AKAP12: variants seen among roughly 807,000 people sequenced by gnomAD.
AKAP12 encodes the protein A-kinase anchor protein 12.
A neutral mutation model predicts 79.9 loss-of-function variants in AKAP12; 32 were observed. That is an observed-to-expected ratio of 0.40 (90% confidence interval 0.30 to 0.54). AKAP12 has a LOEUF of 0.54. AKAP12 is among the 20% of genes least tolerant of loss of function. The pLI, the probability that AKAP12 is intolerant of heterozygous loss-of-function variation, is 0.48. For synonymous variants in AKAP12, 808 were observed against 857.0 expected (o/e 0.94, Z 1.00); for missense variants, 2,074 against 2,177.0 (o/e 0.95, Z 0.94).
At chr6:151,318,742 C>T (rs1777292786) in intron 3 of AKAP12, among the ~76,000 whole-genome samples, 1 of 151,888 alleles carries the variant, frequency 6.6e-6, no homozygotes. Context: ...TTGAGACTAG[C>T]CTGGGCAACA....
rs143297502 is a variant in AKAP12, at chr6:151,325,675, T to A, written c.319+19772T>A. 838 of 1,425,126 alleles carry A rather than the reference T, an allele frequency of 5.9e-4. 5 individuals carry two copies. The African/African-American group carries it at 0.011, about 19-fold the overall frequency. The allele number at this position is 1,425,126 out of a possible 1,614,324, so 88.3% of individuals were successfully genotyped here. A position where few individuals can be genotyped will look rare whatever the true frequency, so the allele number is the denominator to read the frequency against. On this transcript the variant is annotated intron_variant, in intron 3 of 4. Transcript: ENST00000402676. The stretch of plus-strand genomic sequence containing the variant: ...TATCTGGGGAAATGCATCCGCGCTC[T>A]GCTTTTCGCTGCGGCAGCTCCGAGG...
At chr6:151,268,945 GTTTTTT>G (rs558502756) in intron 2 of AKAP12, among the ~76,000 whole-genome samples, 22,409 of 79,312 alleles carry the variant, frequency 0.28, 2,642 homozygotes, top group Admixed American at 0.51. Flanking sequence ...TGCTCGGCCT[GTTTTTT>G]TTTTTTTTTT....
intron 2 of AKAP12, among the ~76,000 whole-genome samples, chr6:151,252,055 C>A (rs1223010710): frequency 6.6e-6 from 1 of 152,122 alleles, no homozygotes; most frequent in African/African-American, 2.4e-5. Flanking sequence ...GGCAGACTCT[C>A]TAGATAATGA....
intron 2 of AKAP12, among the ~76,000 whole-genome samples, chr6:151,290,767 G>A (rs1776602323): frequency 6.6e-6 from 1 of 152,132 alleles, no homozygotes; most frequent in Non-Finnish European, 1.5e-5. Flanking sequence ...CACCATGCCA[G>A]GCTAATTTTG....
At chr6:151,265,360 T>C (rs890820680) in intron 2 of AKAP12, among the ~76,000 whole-genome samples, 16 of 152,192 alleles carry the variant, frequency 1.1e-4, no homozygotes, top group African/African-American at 3.9e-4. Flanking sequence ...GAAGCAGATA[T>C]TTGTTAACTG....
intron 4 of AKAP12, among the ~76,000 whole-genome samples, chr6:151,354,379 G>C (rs1247605080): frequency 7.7e-6 from 1 of 130,162 alleles, no homozygotes; most frequent in Non-Finnish European, 1.5e-5. Flanking sequence ...GTTTTGTTTT[G>C]TTTTGTTTTC....
At chr6:151,331,748 G>A (rs541921461) in intron 3 of AKAP12, among the ~76,000 whole-genome samples, 8 of 152,012 alleles carry the variant, frequency 5.3e-5, no homozygotes, top group African/African-American at 1.9e-4. Context: ...AGCCGGGCGT[G>A]GTGGCAGGCA....
chr6:151,324,349 G>A (rs1375818431), intron 3 of AKAP12: 1 of 985,270 alleles, frequency 1.0e-6, no homozygotes, highest in Non-Finnish European at 1.2e-6. Flanking sequence ...TTGTAACAAG[G>A]TCTGGTTACC....
intron 2 of AKAP12, among the ~76,000 whole-genome samples, chr6:151,286,851 A>G (rs775767508): frequency 6.6e-6 from 1 of 152,218 alleles, no homozygotes; most frequent in Non-Finnish European, 1.5e-5. Flanking sequence ...AAAACAAGTC[A>G]GGTGAGAACC....
intron 3 of AKAP12, chr6:151,324,685 A>T: frequency 1.0e-6 from 1 of 985,428 alleles, no homozygotes; most frequent in Non-Finnish European, 1.2e-6. Context: ...GCATGAAGTG[A>T]TAAATAGGGA....
Position 151,314,690 on chromosome 6 carries a change from A to G in AKAP12, c.319+8787A>G, listed in dbSNP as rs1007851259. Among the ~76,000 whole-genome samples, 14 of 152,294 alleles carry G rather than the reference A, an allele frequency of 9.2e-5. No individual in the cohort carries two copies. In the East Asian group the frequency reaches 1.7e-3, roughly 19 times the overall value. ...TCAAGTCCACTTTCAAATTGGGTCC[A>G]TGTTCTGGCCCATTTGAGAAGGAGC... On this transcript the variant is annotated intron_variant, in intron 3 of 4. Transcript: ENST00000402676.
chr6:151,268,955 T>TTG (rs1224768558), intron 2 of AKAP12, among the ~76,000 whole-genome samples: 1 of 124,486 alleles, frequency 8.0e-6, no homozygotes, highest in African/African-American at 3.2e-5. Context: ...GTTTTTTTTT[T>TTG]TTTTTTTTTT....
chr6:151,240,602 C>T lies in AKAP12; in HGVS notation c.40C>T (p.Gln14Ter). Residue 14 changes from glutamine to a stop codon, truncating the protein, a stop_gained, in exon 2 of 5, where the codon CAG becomes TAG. Coordinates refer to ENST00000402676, the MANE Select transcript of AKAP12 (RefSeq NM_005100.4). LOFTEE classifies it high-confidence loss of function. The part of the protein sequence containing the change: ...GSSTEQRSPE[Q>*]PPEGSSTPAE... ...CTCCACCGAGCAGCGCAGCCCGGAG[C>T]AGCCGCCCGAGGGGAGCTCCACGCC... is the stretch of plus-strand genomic sequence containing the variant. 7.0e-7 allele frequency: 1 copy of T among 1,421,334 alleles called. No homozygotes were observed. The highest frequency in any genetic ancestry group is 9.2e-7 in the Non-Finnish European group (1 of 1,092,288). 88.0% of individuals were successfully genotyped at this position (1,421,334 alleles called of 1,614,324 possible). A position where few individuals can be genotyped will look rare whatever the true frequency, so the allele number is the denominator to read the frequency against.
At chr6:151,339,051 T>A (rs1458592914) in intron 3 of AKAP12, among the ~76,000 whole-genome samples, 1 of 152,260 alleles carries the variant, frequency 6.6e-6, no homozygotes, top group African/African-American at 2.4e-5. Context: ...ATTTATGCAC[T>A]CTTTTCAAAA....
rs11962936 is a variant in AKAP12 at position 151,324,226 on chromosome 6, G to C, written c.319+18323G>C. On this transcript the variant is annotated intron_variant, in intron 3 of 4. Transcript: ENST00000402676. ...GGCTGGGTCTGGGAGTCAGCTTCCA[G>C]GCAATATCTCACTGAGTCAGGACAA... 3.9e-3 allele frequency: 3,824 copies of C among 985,418 alleles called. 122 individuals are homozygous for C. In the African/African-American group the frequency reaches 0.061, roughly 16 times the overall value. The allele number at this position is 985,418 out of a possible 1,614,324, so 61.0% of individuals were successfully genotyped here.
At chr6:151,288,840 GT>G (rs1776559379) in intron 2 of AKAP12, among the ~76,000 whole-genome samples, 1 of 152,220 alleles carries the variant, frequency 6.6e-6, no homozygotes, top group Non-Finnish European at 1.5e-5. Flanking sequence ...GTGTTCCGCT[GT>G]ATTGCTGATG....
chr6:151,305,794 G>C lies in AKAP12; in HGVS notation c.210G>C (p.Glu70Asp). 6.2e-7 allele frequency: 1 copy of C among 1,614,062 alleles called. No homozygotes were observed. Among genetic ancestry groups the C allele is most frequent in the Non-Finnish European group, 8.5e-7 (1 of 1,179,994 alleles). ...TGTCCACCATCAATGGCGTAGCTGA[G>C]CAAGATGAGCTCAGCCTCCAGGAGG... Reference protein sequence around the residue: ...GQLSTINGVAEQDELSLQEGD... With the variant: ...GQLSTINGVADQDELSLQEGD... Residue 70 changes from glutamate (E) to aspartate (D), a missense_variant, in exon 3 of 5, where the codon GAG (glutamate) becomes GAC (aspartate). Glu to Asp is a conservative substitution (Grantham distance 45, BLOSUM62 2). Around this residue, in one of 3 missense-constraint regions of AKAP12, gnomAD observed 1,428 missense variants for 1,451.0 expected, o/e 0.98. Transcript: ENST00000402676.
chr6:151,297,227 GATC>G (rs1776754070), intron 2 of AKAP12, among the ~76,000 whole-genome samples: 1 of 132,748 alleles, frequency 7.5e-6, no homozygotes, highest in Admixed American at 7.3e-5. Context: ...GTGGGGGCAG[GATC>G]ACTTGCCCTC....
At chr6:151,260,756 GC>G (rs1195460990) in intron 2 of AKAP12, among the ~76,000 whole-genome samples, 2 of 149,440 alleles carry the variant, frequency 1.3e-5, no homozygotes, top group Non-Finnish European at 3.0e-5. Context: ...ACTTTGGGAG[GC>G]CCCCAGTGGG....
Sources: allele counts gnomAD v4.1 joint callset (sites outside exome capture counted in the v4.1 genomes callset), GRCh38; gene constraint gnomAD v4.1.1; regional missense constraint gnomAD v4.1.1; transcripts MANE v1.5; gene names NCBI Gene and HGNC (gene_info 2026-07-23, HGNC 2026-07-21).